Variants in CFAP299 observed in about 807,000 individuals in gnomAD.
The protein encoded by CFAP299 is cilia- and flagella-associated protein 299.
CFAP299 carries 21 observed loss-of-function variants against 27.0 expected under a neutral mutation model. The observed-to-expected ratio is 0.78, with a 90% CI of 0.55 to 1.12. CFAP299 has a LOEUF of 1.12. CFAP299 is among the 50% of genes most tolerant of loss of function. The probability of loss-of-function intolerance (pLI) is 0.00; values close to 1 mark genes in which losing one functional copy is unlikely to be tolerated. For synonymous variants in CFAP299, 104 were observed against 98.1 expected, an observed-to-expected ratio of 1.06 and a Z score of -0.36; for missense variants, 310 against 276.6, an observed-to-expected ratio of 1.12 and a Z score of -0.86.
chr4:80,723,218 A>G (rs564151037), intron 3 of CFAP299, among the ~76,000 whole-genome samples: 19 of 152,310 alleles, frequency 1.2e-4, no homozygotes, highest in Non-Finnish European at 2.2e-4. Flanking sequence ...ACATACACCT[A>G]CCATATTACC....
At position 80,858,388 on chromosome 4, in the gene CFAP299, T is replaced by A. The variant is rs886756970; in HGVS notation, c.334-11605T>A. On this transcript the variant is annotated intron_variant, in intron 3 of 5. Transcript: ENST00000358105. Reference sequence around the variant, plus strand: ...TGGATTCATTAATTTTTTGAAGGGTTTTTTTGTATCTCTATTTCCTTCAGT... The same window carrying A: ...TGGATTCATTAATTTTTTGAAGGGTATTTTTGTATCTCTATTTCCTTCAGT... 7.5e-3 allele frequency among the ~76,000 whole-genome samples: 1,136 copies of A among 152,212 alleles called. 6 individuals are homozygous for A. The highest frequency in any genetic ancestry group is 0.013 in the Non-Finnish European group (864 of 67,966).
intron 3 of CFAP299, among the ~76,000 whole-genome samples, chr4:80,763,102 T>C (rs1725632274): frequency 6.6e-6 from 1 of 151,996 alleles, no homozygotes. Flanking sequence ...TAATCTGCCT[T>C]GAGCAACCAG....
intron 3 of CFAP299, among the ~76,000 whole-genome samples, chr4:80,707,298 G>T (rs1721879810): frequency 6.6e-6 from 1 of 151,884 alleles, no homozygotes; most frequent in South Asian, 2.1e-4. Flanking sequence ...AAATGGTTAA[G>T]AAATAATCAA....
intron 3 of CFAP299, among the ~76,000 whole-genome samples, chr4:80,858,396 A>G (rs1274349574): frequency 2.0e-5 from 3 of 151,544 alleles, no homozygotes; most frequent in Admixed American, 6.6e-5. Context: ...GTTTTTTTGT[A>G]TCTCTATTTC....
chr4:80,343,023 A>G (rs1473742869), intron 1 of CFAP299, among the ~76,000 whole-genome samples: 1 of 152,226 alleles, frequency 6.6e-6, no homozygotes, highest in African/African-American at 2.4e-5. Flanking sequence ...AGGGGTTGCA[A>G]TCCTAGTTTC....
chr4:80,354,620 A>T (rs938484808), intron 1 of CFAP299, among the ~76,000 whole-genome samples: 5 of 152,126 alleles, frequency 3.3e-5, no homozygotes, highest in Admixed American at 1.3e-4. Flanking sequence ...TTCTTCACCC[A>T]GGTATTAAAC....
At chr4:80,816,442 T>C (rs1203324714) in intron 3 of CFAP299, among the ~76,000 whole-genome samples, 1 of 152,182 alleles carries the variant, frequency 6.6e-6, no homozygotes, top group Non-Finnish European at 1.5e-5. Flanking sequence ...ACTTTTCTCC[T>C]GATGTCAAAC....
intron 3 of CFAP299, among the ~76,000 whole-genome samples, chr4:80,690,532 G>A (rs377750797): frequency 2.6e-4 from 39 of 151,494 alleles, no homozygotes; most frequent in African/African-American, 8.0e-4. Flanking sequence ...TCTCTGGGAC[G>A]CATTCAAAGC....
At chr4:80,360,852 A>G (rs1723509434) in intron 1 of CFAP299, among the ~76,000 whole-genome samples, 1 of 152,148 alleles carries the variant, frequency 6.6e-6, no homozygotes, top group African/African-American at 2.4e-5. Flanking sequence ...CAAGCCTTAG[A>G]GTTTGTCACT....
At chr4:80,391,638 G>A (rs1334923767) in intron 2 of CFAP299, among the ~76,000 whole-genome samples, 5 of 152,158 alleles carry the variant, frequency 3.3e-5, no homozygotes, top group African/African-American at 1.2e-4. Flanking sequence ...GGTGATGCTG[G>A]TGTAAAGAAA....
At chr4:80,913,210 TGA>T (rs1292211131) in intron 4 of CFAP299, among the ~76,000 whole-genome samples, 3 of 151,710 alleles carry the variant, frequency 2.0e-5, no homozygotes, top group African/African-American at 4.8e-5. Flanking sequence ...TGACAGTGAG[TGA>T]GAGAGAAAAG....
At chr4:80,556,723 A>G (rs1003246929) in intron 2 of CFAP299, among the ~76,000 whole-genome samples, 18 of 152,142 alleles carry the variant, frequency 1.2e-4, no homozygotes, top group African/African-American at 4.3e-4. Flanking sequence ...GACACTAGAT[A>G]TCACAAAATA....
At chr4:80,386,378 G>C (rs1340408165) in intron 2 of CFAP299, 10 of 1,509,802 alleles carry the variant, frequency 6.6e-6, no homozygotes, top group Non-Finnish European at 7.2e-6. Context: ...GCTTGCCCGG[G>C]ACGGCCTCGG....
chr4:80,812,478 G>T (rs1336823075), intron 3 of CFAP299, among the ~76,000 whole-genome samples: 3 of 152,078 alleles, frequency 2.0e-5, no homozygotes, highest in Non-Finnish European at 2.9e-5. Flanking sequence ...TCTAAAAAGT[G>T]CTAGAAGCAC....
chr4:80,857,705 C>T (rs1466316862), intron 3 of CFAP299, among the ~76,000 whole-genome samples: 1 of 152,156 alleles, frequency 6.6e-6, no homozygotes, highest in Non-Finnish European at 1.5e-5. Context: ...TGCTGGATTA[C>T]ATTTATTGAT....
At chr4:80,383,542 A>G (rs1724816697) in intron 2 of CFAP299, among the ~76,000 whole-genome samples, 1 of 152,156 alleles carries the variant, frequency 6.6e-6, no homozygotes, top group Non-Finnish European at 1.5e-5. Context: ...TTAATAGATA[A>G]TAAGATATCA....
intron 3 of CFAP299, among the ~76,000 whole-genome samples, chr4:80,863,520 C>A (rs941278284): frequency 6.6e-6 from 1 of 152,114 alleles, no homozygotes; most frequent in African/African-American, 2.4e-5. Flanking sequence ...TCACAGGCTC[C>A]CTCAGTAAAA....
At chr4:80,594,660 G>A (rs1418585596) in intron 3 of CFAP299, among the ~76,000 whole-genome samples, 1 of 151,852 alleles carries the variant, frequency 6.6e-6, no homozygotes, top group Non-Finnish European at 1.5e-5. Flanking sequence ...GAGAAAACTA[G>A]AACTGTTGTT....
At chr4:80,327,353 T>G in the CFAP299 span, among the ~76,000 whole-genome samples, 1 of 151,788 alleles carries the variant, frequency 6.6e-6, no homozygotes, top group African/African-American at 2.4e-5. Context: ...TAGCGTGAAG[T>G]AAGAGATAAG....
Sources: gnomAD v4.1 joint callset for allele counts (sites outside exome capture counted in the v4.1 genomes callset) on GRCh38, gnomAD v4.1.1 for gene constraint, MANE v1.5 for transcripts, NCBI Gene and HGNC (gene_info 2026-07-23, HGNC 2026-07-21) for gene names.